The following ZMAT4 variants were observed in gnomAD, a reference collection of about 807,000 sequenced individuals.
The protein encoded by ZMAT4 is zinc finger matrin-type protein 4.
ZMAT4 carries 17 observed loss-of-function variants against 28.7 expected under a neutral mutation model. That is an observed-to-expected ratio of 0.59 (90% CI 0.41 to 0.89). ZMAT4 has a LOEUF of 0.89. ZMAT4 is among the 40% of genes least tolerant of loss of function. The pLI is 0.00. For missense variants in ZMAT4, 240 were observed against 283.8 expected (o/e 0.85, Z 1.11); for synonymous variants, 117 against 109.2 (o/e 1.07, Z -0.44).
chr8:40,568,850 C>A lies in ZMAT4; in HGVS notation c.674+12315G>T, dbSNP rs116350099. ...AATAACCTTTCTTGATGGCTCCAGG[C>A]AGATGCAGTTACTTCTTCCCCTGAA... is the stretch of plus-strand genomic sequence containing the variant. On this transcript the variant is annotated intron_variant, in intron 6 of 6. Coordinates refer to ENST00000297737, the MANE Select transcript of ZMAT4 (RefSeq NM_024645.3). Among the ~76,000 whole-genome samples, 569 of 152,234 alleles carry A rather than the reference C, an allele frequency of 3.7e-3. 3 individuals carry two copies. Among genetic ancestry groups the A allele is most frequent in the African/African-American group, 0.013 (536 of 41,558 alleles).
At chr8:40,794,046 G>A (rs1198108665) in intron 2 of ZMAT4, among the ~76,000 whole-genome samples, 1 of 152,116 alleles carries the variant, frequency 6.6e-6, no homozygotes, top group African/African-American at 2.4e-5. Context: ...CTTGCAATTA[G>A]TTCTTTGCCA....
chr8:40,727,558 A>G (rs962845509), intron 3 of ZMAT4, among the ~76,000 whole-genome samples: 6 of 152,252 alleles, frequency 3.9e-5, no homozygotes, highest in African/African-American at 7.2e-5. Context: ...GAGATCTGCC[A>G]GAAGGAAAAA....
At chr8:40,642,421 C>T (rs1226495277) in intron 5 of ZMAT4, among the ~76,000 whole-genome samples, 1 of 152,200 alleles carries the variant, frequency 6.6e-6, no homozygotes, top group Admixed American at 6.5e-5. Context: ...GGACATCACA[C>T]ATACACAGTC....
chr8:40,681,223 A>C (rs185225033), intron 4 of ZMAT4, among the ~76,000 whole-genome samples: 1 of 152,316 alleles, frequency 6.6e-6, no homozygotes, highest in Admixed American at 6.5e-5. Flanking sequence ...AATAATGCCT[A>C]CAGAGCAATA....
At chr8:40,865,768 T>G (rs750756532) in intron 1 of ZMAT4, among the ~76,000 whole-genome samples, 1 of 152,248 alleles carries the variant, frequency 6.6e-6, no homozygotes, top group Non-Finnish European at 1.5e-5. Flanking sequence ...CGTCTTCTGC[T>G]GTTTTCACTG....
intron 5 of ZMAT4, among the ~76,000 whole-genome samples, chr8:40,652,972 T>C (rs1807747090): frequency 2.0e-5 from 3 of 150,112 alleles, no homozygotes; most frequent in South Asian, 4.3e-4. Flanking sequence ...TTGGGAGATA[T>C]ACCTAATGTT....
At chr8:40,764,504 C>T (rs571620313) in intron 3 of ZMAT4, among the ~76,000 whole-genome samples, 1 of 152,136 alleles carries the variant, frequency 6.6e-6, no homozygotes, top group South Asian at 2.1e-4. Context: ...GAGCAGGGTT[C>T]ATACATGGTC....
At chr8:40,799,438 G>T (rs1318625272) in intron 2 of ZMAT4, among the ~76,000 whole-genome samples, 1 of 152,170 alleles carries the variant, frequency 6.6e-6, no homozygotes, top group African/African-American at 2.4e-5. Context: ...GACAGAAAAA[G>T]AAAGACTAAG....
intron 1 of ZMAT4, among the ~76,000 whole-genome samples, chr8:40,892,845 A>G (rs568442467): frequency 1.3e-5 from 2 of 152,288 alleles, no homozygotes; most frequent in Admixed American, 1.3e-4. Context: ...GGAAATAGGT[A>G]AGGGTTCTCA....
rs58644151 is a variant in ZMAT4 at position 40,730,246 on chromosome 8, T to G, written c.193-32845A>C. ...AAACACATTGTGAAAACAGTCATCT[T>G]TCCTGCTTCAATAATGCTGAAAGAT... On this transcript the variant is annotated intron_variant, in intron 3 of 6. Transcript: ENST00000297737. Among the ~76,000 whole-genome samples the G allele has an allele frequency of 9.3e-3, 1,417 of 152,294 alleles. 22 individuals are homozygous for G. The highest frequency in any genetic ancestry group is 0.032 in the African/African-American group (1,316 of 41,562).
chr8:40,713,867 C>T (rs868736449), intron 3 of ZMAT4, among the ~76,000 whole-genome samples: 19 of 147,592 alleles, frequency 1.3e-4, no homozygotes, highest in African/African-American at 4.3e-4. Flanking sequence ...CAAGATCCCA[C>T]CACTGCACTC....
intron 5 of ZMAT4, among the ~76,000 whole-genome samples, chr8:40,654,643 AG>A (rs1274489286): frequency 5.9e-5 from 9 of 152,188 alleles, no homozygotes; most frequent in African/African-American, 1.9e-4. Flanking sequence ...CAGGAATGCA[AG>A]GTTGGTTTAA....
intron 6 of ZMAT4, among the ~76,000 whole-genome samples, chr8:40,577,550 G>C (rs910777066): frequency 2.6e-5 from 4 of 152,036 alleles, no homozygotes; most frequent in Non-Finnish European, 4.4e-5. Context: ...GAAAATATTG[G>C]TTAATAGATA....
intron 6 of ZMAT4, among the ~76,000 whole-genome samples, chr8:40,535,160 C>T (rs542386739): frequency 7.9e-5 from 12 of 152,236 alleles, no homozygotes; most frequent in African/African-American, 2.6e-4. Context: ...TGATGTTCAG[C>T]CCCTATTGAA....
At chr8:40,555,801 C>T (rs1466391009) in intron 6 of ZMAT4, among the ~76,000 whole-genome samples, 1 of 152,056 alleles carries the variant, frequency 6.6e-6, no homozygotes, top group African/African-American at 2.4e-5. Flanking sequence ...TATTCTTCCC[C>T]AAATCTCAGA....
chr8:40,668,686 A>G (rs1338396920), intron 5 of ZMAT4, among the ~76,000 whole-genome samples: 1 of 151,920 alleles, frequency 6.6e-6, no homozygotes, highest in African/African-American at 2.4e-5. Flanking sequence ...TATGATCAGG[A>G]CTGCCCTTAT....
intron 2 of ZMAT4, among the ~76,000 whole-genome samples, chr8:40,818,221 A>C (rs1815619490): frequency 1.3e-5 from 2 of 152,254 alleles, no homozygotes; most frequent in African/African-American, 4.8e-5. Flanking sequence ...ACAATGACTG[A>C]TAAAAGGTAA....
At chr8:40,688,140 C>A (rs1184826898) in intron 4 of ZMAT4, among the ~76,000 whole-genome samples, 1 of 152,096 alleles carries the variant, frequency 6.6e-6, no homozygotes, top group Non-Finnish European at 1.5e-5. Context: ...TGAGCAACAA[C>A]ACCACCACCA....
intron 6 of ZMAT4, among the ~76,000 whole-genome samples, chr8:40,535,165 A>G (rs1802808511): frequency 6.6e-6 from 1 of 152,122 alleles, no homozygotes; most frequent in Non-Finnish European, 1.5e-5. Flanking sequence ...TTCAGCCCCT[A>G]TTGAAGTCTG....
Sources: allele counts gnomAD v4.1 joint callset (sites outside exome capture counted in the v4.1 genomes callset), GRCh38; gene constraint gnomAD v4.1.1; transcripts MANE v1.5; gene names NCBI Gene and HGNC (gene_info 2026-07-23, HGNC 2026-07-21).